Variants in EYS observed in about 807,000 individuals in gnomAD.
EYS encodes the protein EGF-like photoreceptor maintenance factor, also known as protein eyes shut homolog.
EYS carries 250 observed loss-of-function variants against 282.1 expected under a neutral mutation model. The ratio of observed to expected loss-of-function variants is 0.89; its 90% CI spans 0.80 to 0.98. EYS has a LOEUF of 0.98. Ranked by LOEUF, EYS falls within the 50% of genes least tolerant of loss-of-function variation. The pLI is 0.00. For missense variants in EYS, 4,016 were observed against 3,709.0 expected (o/e 1.08, Z -2.15); for synonymous variants, 1,355 against 1,282.9 (o/e 1.06, Z -1.20).
At chr6:64,522,517 G>A (rs1049843629) in intron 26 of EYS, among the ~76,000 whole-genome samples, 1 of 151,688 alleles carries the variant, frequency 6.6e-6, no homozygotes, top group Non-Finnish European at 1.5e-5. Context: ...AAGACAAATT[G>A]AATGTATCTG....
At chr6:64,245,280 A>G (rs953197751) in intron 30 of EYS, among the ~76,000 whole-genome samples, 15 of 151,722 alleles carry the variant, frequency 9.9e-5, no homozygotes, top group African/African-American at 3.1e-4. Context: ...CTCTTTACTC[A>G]GGTTGTTTTG....
intron 35 of EYS, among the ~76,000 whole-genome samples, chr6:63,978,528 C>CT (rs1554193745): frequency 6.6e-6 from 1 of 151,916 alleles, no homozygotes; most frequent in Non-Finnish European, 1.5e-5. Context: ...GAAATAGGCT[C>CT]TTTTTTCCTG....
At chr6:65,668,965 G>T (rs868820143) in intron 1 of EYS, among the ~76,000 whole-genome samples, 1 of 151,882 alleles carries the variant, frequency 6.6e-6, no homozygotes, top group Non-Finnish European at 1.5e-5. Context: ...GCAATTTGTT[G>T]CCCATAGCTA....
intron 31 of EYS, among the ~76,000 whole-genome samples, chr6:64,178,987 G>GT (rs1764711959): frequency 6.6e-6 from 1 of 151,772 alleles, no homozygotes; most frequent in South Asian, 2.1e-4. Context: ...CAATAAACTT[G>GT]TAATAGTCAG....
chr6:64,841,389 A>G (rs1263251957), intron 19 of EYS, among the ~76,000 whole-genome samples: 3 of 152,180 alleles, frequency 2.0e-5, no homozygotes, highest in South Asian at 2.1e-4. Flanking sequence ...TGAAATTACC[A>G]TGAAATATTT....
chr6:64,652,890 G>A (rs910782197), intron 22 of EYS, among the ~76,000 whole-genome samples: 12 of 152,104 alleles, frequency 7.9e-5, no homozygotes, highest in African/African-American at 2.7e-4. Flanking sequence ...GTACATATGT[G>A]TGTGTGTGTT....
intron 36 of EYS, among the ~76,000 whole-genome samples, chr6:63,831,406 G>A (rs1771633795): frequency 6.6e-6 from 1 of 152,098 alleles, no homozygotes; most frequent in Non-Finnish European, 1.5e-5. Flanking sequence ...AAAAAAGCAG[G>A]AGTTGCAATC....
At chr6:63,951,340 T>C (rs1462708689) in intron 35 of EYS, among the ~76,000 whole-genome samples, 1 of 152,136 alleles carries the variant, frequency 6.6e-6, no homozygotes, top group East Asian at 1.9e-4. Context: ...AAGATCTAGG[T>C]AATTCTTGTT....
intron 41 of EYS, among the ~76,000 whole-genome samples, chr6:63,754,854 G>T (rs1769437078): frequency 6.6e-6 from 1 of 152,152 alleles, no homozygotes; most frequent in Non-Finnish European, 1.5e-5. Context: ...AGCACCTGTT[G>T]TTTCCTGACT....
rs745344580 is a variant in EYS at position 63,859,075 on chromosome 6, GTTTTTTTTTTTTTTTTTTTTT to G, written c.7228+5090_7228+5110del. Among the ~76,000 whole-genome samples, 30 of 47,912 alleles carry G rather than the reference GTTTTTTTTTTTTTTTTTTTTT, an allele frequency of 6.3e-4. 2 individuals carry two copies. Among genetic ancestry groups the G allele is most frequent in the Admixed American group, 5.0e-3 (20 of 3,996 alleles). 31.4% of individuals were successfully genotyped at this position (47,912 alleles called of 152,430 possible). A position where few individuals can be genotyped will look rare whatever the true frequency, so the allele number is the denominator to read the frequency against. On this transcript the variant is annotated intron_variant, in intron 36 of 42. Transcript: ENST00000503581. ...TTGATTTCCATTGATGTCCTAGAGA[GTTTTTTTTTTTTTTTTTTTTT>G]TTTTTTTTTTTTTTTAATAGCTGGG... is the stretch of plus-strand genomic sequence containing the variant.
chr6:64,360,235 A>T (rs115784539), intron 29 of EYS, among the ~76,000 whole-genome samples: 2,929 of 151,834 alleles, frequency 0.019, 80 homozygotes, highest in African/African-American at 0.059. Flanking sequence ...CAGATCTTCA[A>T]TTTGTCTTTC....
intron 35 of EYS, among the ~76,000 whole-genome samples, chr6:63,959,631 T>C (rs918561811): frequency 6.6e-6 from 1 of 152,152 alleles, no homozygotes; most frequent in Non-Finnish European, 1.5e-5. Context: ...ATCAGTGATA[T>C]ACTGGATAAA....
chr6:65,352,029 G>T (rs576663203), intron 9 of EYS, among the ~76,000 whole-genome samples: 13 of 151,936 alleles, frequency 8.6e-5, no homozygotes, highest in African/African-American at 2.9e-4. Flanking sequence ...CAGAGTCTCT[G>T]AAAGTTCCTT....
chr6:63,827,030 A>T (rs1315865394), intron 36 of EYS, among the ~76,000 whole-genome samples: 2 of 152,208 alleles, frequency 1.3e-5, no homozygotes, highest in Non-Finnish European at 2.9e-5. Flanking sequence ...TGCCTGCAGG[A>T]GACTCACCTA....
chr6:64,198,178 T>C (rs1765352750), intron 31 of EYS, among the ~76,000 whole-genome samples: 1 of 150,858 alleles, frequency 6.6e-6, no homozygotes, highest in South Asian at 2.1e-4. Flanking sequence ...TTTTTTTTTT[T>C]TTGTATTTTT....
chr6:64,389,135 T>C (rs1368005940), intron 28 of EYS, among the ~76,000 whole-genome samples: 3 of 152,162 alleles, frequency 2.0e-5, no homozygotes. Context: ...ATTATAATAT[T>C]CCATTTTAGC....
In EYS at chr6:64,545,272, T is replaced by C. The variant is rs61003988; in HGVS notation, c.5644+44951A>G. Among the ~76,000 whole-genome samples, 549 of 152,146 alleles carry C rather than the reference T, an allele frequency of 3.6e-3. 7 individuals carry two copies. Among genetic ancestry groups the C allele is most frequent in the African/African-American group, 0.012 (517 of 41,506 alleles). ...TAAACAGAACCAACGACAAAAACCATACGATTATCTCAATAGATGCAGAAA... is the reference window on the plus strand; with the variant it reads ...TAAACAGAACCAACGACAAAAACCACACGATTATCTCAATAGATGCAGAAA... On this transcript the variant is annotated intron_variant, in intron 26 of 42. Transcript: ENST00000503581.
chr6:64,911,843 C>T (rs1231225654), intron 16 of EYS, among the ~76,000 whole-genome samples: 2 of 152,060 alleles, frequency 1.3e-5, no homozygotes. Context: ...TCTTCGCTTG[C>T]ATATGAAGAG....
At chr6:65,007,749 G>C (rs1771728328) in intron 13 of EYS, among the ~76,000 whole-genome samples, 1 of 152,140 alleles carries the variant, frequency 6.6e-6, no homozygotes, top group South Asian at 2.1e-4. Context: ...TCCAAGCGGT[G>C]GGAGGAGGAG....
Sources: gnomAD v4.1 joint callset for allele counts (sites outside exome capture counted in the v4.1 genomes callset) on GRCh38, gnomAD v4.1.1 for gene constraint, MANE v1.5 for transcripts, NCBI Gene and HGNC (gene_info 2026-07-23, HGNC 2026-07-21) for gene names.